TSPYL2: variants seen among roughly 807,000 people sequenced by gnomAD.
TSPYL2 encodes the protein testis-specific Y-encoded-like protein 2.
TSPYL2 carries 9 observed loss-of-function variants against 33.0 expected under a neutral mutation model. The ratio of observed to expected loss-of-function variants is 0.27; its 90% confidence interval spans 0.16 to 0.48. The LOEUF is 0.48. Among genes scored for constraint, TSPYL2 ranks in the 20% least tolerant of loss-of-function variants. The pLI is 0.99. For missense variants in TSPYL2, 636 were observed against 586.2 expected (o/e 1.08, Z -0.88); for synonymous variants, 330 against 233.6 (o/e 1.41, Z -3.77).
chrX:53,083,845 A>AGG (rs1254045100), intron 1 of TSPYL2, among the ~76,000 whole-genome samples: 7 of 111,472 alleles, frequency 6.3e-5, no homozygotes, highest in Admixed American at 1.9e-4. Context: ...CATTGGAGGG[A>AGG]GGGGGGCTGG....
chrX:53,084,131 C>T (rs1465719336), intron 1 of TSPYL2, among the ~76,000 whole-genome samples: 2 of 111,867 alleles, frequency 1.8e-5, no homozygotes, highest in East Asian at 2.8e-4. Context: ...CATGTAGACA[C>T]ATGGCATAAC....
rs1556808018 is a variant in TSPYL2, at chrX:53,084,955, C to T, written c.999C>T (p.Gly333=). 3 of 1,209,877 alleles carry T rather than the reference C, an allele frequency of 2.5e-6. No individual in the cohort carries two copies. ...IVKEFQRNRS[G]RLVSHSTPIR... ...CTCCATAGCCTTCTCTCTCCCTAGG[C>T]CGGCTGGTGTCTCACTCAACCCCAA... The change falls in exon 4 of 7, where the codon GGC becomes GGT. Residue 333 remains glycine (G), a splice_region_variant and synonymous_variant. Transcript: ENST00000375442.
chrX:53,084,903 C>G (rs1180331628), intron 3 of TSPYL2, 37 bp downstream of exon 3: 7 of 1,207,298 alleles, frequency 5.8e-6, no homozygotes, highest in Admixed American at 2.2e-5. Context: ...ATGTTCCCCC[C>G]CTCAATCTGT....
Position 53,084,598 on chromosome X carries a change from T to A in TSPYL2, c.861T>A (p.Ile287=). The A allele has an allele frequency of 8.4e-7, 1 of 1,191,775 alleles. No homozygotes were observed. The highest frequency in any genetic ancestry group is 1.1e-6 in the Non-Finnish European group (1 of 885,998). The change falls in exon 2 of 7, where the codon ATT becomes ATA. Residue 287 remains isoleucine (I), a synonymous_variant. Coordinates refer to ENST00000375442, the MANE Select transcript of TSPYL2 (RefSeq NM_022117.4). ...TGATCAACCGACGTGATGAAGACAT[T>A]TTCCGCTACTTGACCAATCTGCAGG... is the stretch of plus-strand genomic sequence containing the variant. ...SILINRRDED[I]FRYLTNLQVQ...
chrX:53,083,509 G>C (rs1395566412), intron 1 of TSPYL2, among the ~76,000 whole-genome samples: 4 of 107,706 alleles, frequency 3.7e-5, no homozygotes, highest in Non-Finnish European at 7.7e-5. Context: ...ATGATGAAGG[G>C]TGGTGGAGGG....
In TSPYL2 at chrX:53,082,766, C is replaced by G; in HGVS notation, c.268C>G (p.Leu90Val). The G allele has an allele frequency of 8.4e-7, 1 of 1,189,313 alleles. No individual in the cohort carries two copies. Among genetic ancestry groups the G allele is most frequent in the Non-Finnish European group, 1.1e-6 (1 of 886,435 alleles). Reference protein sequence around the residue: ...EEGGIRAYFTLGAECPGWDST... With the variant: ...EEGGIRAYFTVGAECPGWDST... Reference sequence around the variant, plus strand: ...GGGGGGGATCCGCGCATACTTCACGCTCGGTGCTGAGTGTCCCGGCTGGGA... The same window carrying G: ...GGGGGGGATCCGCGCATACTTCACGGTCGGTGCTGAGTGTCCCGGCTGGGA... The change falls in exon 1 of 7, where the codon CTC becomes GTC. Residue 90 changes from leucine (L) to valine (V), a missense_variant. Physicochemically the swap from Leu to Val is conservative, Grantham distance 32. Coordinates refer to ENST00000375442, the MANE Select transcript of TSPYL2 (RefSeq NM_022117.4).
At chrX:53,087,628 G>C (rs782148466) in intron 6 of TSPYL2, 148 bp from the exon 7 acceptor site, 50 of 534,909 alleles carry the variant, frequency 9.3e-5, no homozygotes, top group East Asian at 6.2e-4. Context: ...ACACACTCTT[G>C]GCTGTTTGTT....
intron 6 of TSPYL2, 130 bp from the exon 7 acceptor site, chrX:53,087,646 G>C: frequency 1.5e-6 from 1 of 650,110 alleles, no homozygotes; most frequent in Non-Finnish European, 2.3e-6. Flanking sequence ...GTTCCAAGCA[G>C]AGGCGCTGAC....
chrX:53,083,387 CG>C (rs1283096737), intron 1 of TSPYL2, 82 bp downstream of exon 1: 2 of 957,644 alleles, frequency 2.1e-6, no homozygotes, highest in African/African-American at 4.0e-5. Context: ...AAAGGTAAAG[CG>C]GGTGGAGGAG....
Position 53,082,875 on chromosome X carries a change from G to T in TSPYL2, c.377G>T (p.Gly126Val), listed in dbSNP as rs1932656021. Residue 126 changes from glycine to valine, a missense_variant, in exon 1 of 7, where the codon GGG becomes GTG. Gly to Val is a moderately radical substitution (Grantham distance 109). This residue lies in a region of TSPYL2 where 231 missense variants were observed against 201.6 expected (regional missense o/e 1.15). Transcript: ENST00000375442. ...CTCCCCACTCCTGAGGCCTCGGGGG[G>T]GAGCCTGGAAATCGATTTTCAGGTT... ...EALPTPEASG[G>V]SLEIDFQVVQ... 1.7e-6 allele frequency: 2 copies of T among 1,208,370 alleles called. No homozygotes were observed. Among genetic ancestry groups the T allele is most frequent in the South Asian group, 1.8e-5 (1 of 56,550 alleles).
In TSPYL2 at chrX:53,085,899, G is replaced by A. The variant is rs782344893; in HGVS notation, c.1507G>A (p.Glu503Lys). ...TAACAACGAGAGTGCTGATGACCAC[G>A]AAACCACTGACAACAATGAGAGTGC... ...TDNNESADDH[E>K]TTDNNESADD... The change falls in exon 6 of 7, where the codon GAA (glutamate) becomes AAA (lysine). Residue 503 changes from glutamate (E) to lysine (K), a missense_variant. By Grantham distance (56) the Glu-to-Lys change is moderately conservative. Coordinates refer to ENST00000375442, the MANE Select transcript of TSPYL2 (RefSeq NM_022117.4). 1.6e-5 allele frequency: 19 copies of A among 1,209,276 alleles called. No individual in the cohort carries two copies. The highest frequency in any genetic ancestry group is 8.8e-5 in the African/African-American group (5 of 56,940).
chrX:53,083,586 AG>A (rs1368530186), intron 1 of TSPYL2, among the ~76,000 whole-genome samples: 2 of 108,571 alleles, frequency 1.8e-5, no homozygotes, highest in Admixed American at 9.8e-5. Context: ...CATTAAAAAA[AG>A]GATCACAGAT....
Position 53,085,067 on chromosome X carries a change from C to G in TSPYL2, c.1111C>G (p.His371Asp). 8.3e-7 allele frequency: 1 copy of G among 1,210,856 alleles called. No homozygotes were observed. The highest frequency in any genetic ancestry group is 1.1e-6 in the Non-Finnish European group (1 of 894,761). Residue 371 changes from histidine (H) to aspartate (D), a missense_variant, in exon 4 of 7, where the codon CAT becomes GAT. This residue lies in a region of TSPYL2 where 401 missense variants were observed against 363.0 expected (regional missense o/e 1.10). Transcript: ENST00000375442. Reference protein sequence around the residue: ...SHSFFSWFSNHSLPEADRIAE... With the variant: ...SHSFFSWFSNDSLPEADRIAE... ...CAGCTTTTTCAGCTGGTTCTCAAAC[C>G]ATAGCCTCCCAGAGGCTGACAGGAT...
In TSPYL2 at chrX:53,085,927, A is replaced by G. The variant is rs782072659; in HGVS notation, c.1535A>G (p.Asp512Gly). The G allele has an allele frequency of 7.4e-6, 9 of 1,208,682 alleles. No homozygotes were observed. In the East Asian group the frequency reaches 2.4e-4, roughly 32 times the overall value. ...HETTDNNESA[D>G]DNNENPEDNN... ...ACCACTGACAACAATGAGAGTGCAG[A>G]TGACAACAACGAGAATCCTGAAGAC... The change falls in exon 6 of 7, where the codon GAT (aspartate) becomes GGT (glycine). Residue 512 changes from aspartate to glycine, a missense_variant. Asp to Gly is a moderately conservative substitution (Grantham distance 94). This residue lies in a region of TSPYL2 where 401 missense variants were observed against 363.0 expected (regional missense o/e 1.10). Coordinates refer to ENST00000375442, the MANE Select transcript of TSPYL2 (RefSeq NM_022117.4).
rs1932792174 is a variant in TSPYL2 at position 53,088,072 on chromosome X, GTTTATT to G, written c.*139_*144del. On this transcript the variant is annotated 3_prime_UTR_variant, in exon 7 of 7. Transcript: ENST00000375442. ...GACCGACTTCGTACACGGGTTTAAA[GTTTATT>G]TTTATGGTTTAGTCATTGCAGAGTT... is the stretch of plus-strand genomic sequence containing the variant. 8 of 586,980 alleles carry G rather than the reference GTTTATT, an allele frequency of 1.4e-5. No individual in the cohort carries two copies. Among genetic ancestry groups the G allele is most frequent in the Non-Finnish European group, 1.6e-5 (6 of 375,708 alleles). 48.4% of individuals were successfully genotyped at this position (586,980 alleles called of 1,213,427 possible).
At chrX:53,083,969 C>G (rs782476978) in intron 1 of TSPYL2, among the ~76,000 whole-genome samples, 1 of 111,775 alleles carries the variant, frequency 8.9e-6, no homozygotes, top group Admixed American at 9.4e-5. Context: ...GAACATGAGT[C>G]GAACATCCTA....
At position 53,085,338 on chromosome X, in the gene TSPYL2, C is replaced by A; in HGVS notation, c.1238+17C>A. On this transcript the variant is annotated intron_variant, in intron 5 of 6. Coordinates refer to ENST00000375442, the MANE Select transcript of TSPYL2 (RefSeq NM_022117.4). ...GAAGAAACGGTAATGGGAGTTTGGTCGCTGAGAGGTGGTTTGTTGGGGATG... is the reference window on the plus strand; with the variant it reads ...GAAGAAACGGTAATGGGAGTTTGGTAGCTGAGAGGTGGTTTGTTGGGGATG... 1 of 1,165,934 alleles carries A rather than the reference C, an allele frequency of 8.6e-7. No individual in the cohort carries two copies. Among genetic ancestry groups the A allele is most frequent in the South Asian group, 1.9e-5 (1 of 53,029 alleles).
chrX:53,084,409 C>G (rs1236022226), intron 1 of TSPYL2, 136 bp from the exon 2 acceptor site: 1 of 525,877 alleles, frequency 1.9e-6, no homozygotes, highest in Non-Finnish European at 3.1e-6. Context: ...TCCCATGACT[C>G]ACTTGCTTTA....
chrX:53,084,075 G>A (rs1556807735), intron 1 of TSPYL2, among the ~76,000 whole-genome samples: 1 of 111,597 alleles, frequency 9.0e-6, no homozygotes, highest in African/African-American at 3.3e-5. Context: ...TTTAGACATA[G>A]GACCTCAGCT....
Sources: allele counts gnomAD v4.1 joint callset (sites outside exome capture counted in the v4.1 genomes callset), GRCh38; gene constraint gnomAD v4.1.1; regional missense constraint gnomAD v4.1.1; transcripts MANE v1.5; gene names NCBI Gene and HGNC (gene_info 2026-07-23, HGNC 2026-07-21).